Variants in RNF150 observed in about 807,000 individuals in gnomAD.
RNF150 encodes the protein ring finger protein 150.
In RNF150, 24 loss-of-function variants were observed where a neutral mutation model predicts 39.3. The observed-to-expected ratio is 0.61, with a 90% CI of 0.44 to 0.86. The LOEUF is 0.86. Ranked by LOEUF, RNF150 falls within the 40% of genes least tolerant of loss-of-function variation. The probability of loss-of-function intolerance (pLI) is 0.00; values close to 1 mark genes in which losing one functional copy is unlikely to be tolerated. For synonymous variants in RNF150, 255 were observed against 227.3 expected, an observed-to-expected ratio of 1.12 and a Z score of -1.10; for missense variants, 502 against 587.8, an observed-to-expected ratio of 0.85 and a Z score of 1.51.
intron 5 of RNF150, among the ~76,000 whole-genome samples, chr4:140,914,956 A>C (rs1452818481): frequency 6.6e-6 from 1 of 152,230 alleles, no homozygotes; most frequent in East Asian, 1.9e-4. Context: ...AACAACAAAA[A>C]CAAAAACAAA....
chr4:141,020,108 T>C (rs1240903507), intron 1 of RNF150, among the ~76,000 whole-genome samples: 3 of 151,996 alleles, frequency 2.0e-5, no homozygotes, highest in Non-Finnish European at 4.4e-5. Context: ...TGATATTTTT[T>C]TTTTCATTTT....
upstream of RNF150, among the ~76,000 whole-genome samples, chr4:141,134,655 A>C (rs979015230): frequency 1.3e-5 from 2 of 152,200 alleles, no homozygotes; most frequent in African/African-American, 4.8e-5. Context: ...ACTTAGAAGA[A>C]TTTGTCTCTA....
chr4:141,017,632 C>A (rs1162798802), intron 1 of RNF150, among the ~76,000 whole-genome samples: 4 of 152,118 alleles, frequency 2.6e-5, no homozygotes, highest in Non-Finnish European at 1.5e-5. Context: ...ATCCTAAGAT[C>A]CTTTGCCCTC....
At chr4:140,925,478 C>T (rs1055897992) in intron 5 of RNF150, among the ~76,000 whole-genome samples, 5 of 152,202 alleles carry the variant, frequency 3.3e-5, no homozygotes, top group African/African-American at 9.7e-5. Flanking sequence ...AAAGTCTCCA[C>T]AGAGATCTGA....
chr4:141,125,337 T>A (rs1726721070), intron 1 of RNF150, among the ~76,000 whole-genome samples: 1 of 152,216 alleles, frequency 6.6e-6, no homozygotes, highest in African/African-American at 2.4e-5. Context: ...CAACGCTGCC[T>A]TGTTTCTCTG....
At chr4:140,929,789 TTAAA>T (rs1272585932) in intron 4 of RNF150, among the ~76,000 whole-genome samples, 1 of 152,158 alleles carries the variant, frequency 6.6e-6, no homozygotes, top group Non-Finnish European at 1.5e-5. Context: ...TCAGTTGACC[TTAAA>T]TAAAGGGGAT....
chr4:141,202,960 GT>G (rs948583422), intron 1 of RNF150, among the ~76,000 whole-genome samples: 1 of 151,084 alleles, frequency 6.6e-6, no homozygotes, highest in African/African-American at 2.4e-5. Flanking sequence ...TAAAATTTAT[GT>G]TTTTTGTGAA....
intron 1 of RNF150, among the ~76,000 whole-genome samples, chr4:141,024,000 G>A (rs1227517502): frequency 2.6e-5 from 4 of 152,122 alleles, no homozygotes; most frequent in Non-Finnish European, 5.9e-5. Flanking sequence ...GAAATCCATT[G>A]TTAGGATTAT....
At chr4:141,196,292 T>G (rs141919285) in intron 1 of RNF150, among the ~76,000 whole-genome samples, 19 of 152,302 alleles carry the variant, frequency 1.2e-4, no homozygotes, top group Admixed American at 3.3e-4. Context: ...TTGATGAAAC[T>G]GTTGGTCCAG....
chr4:141,026,230 C>G (rs973740775), intron 1 of RNF150, among the ~76,000 whole-genome samples: 1 of 151,954 alleles, frequency 6.6e-6, no homozygotes, highest in African/African-American at 2.4e-5. Context: ...AGCTACTGTA[C>G]AAGACACAGG....
intron 1 of RNF150, among the ~76,000 whole-genome samples, chr4:141,025,960 C>A (rs963423530): frequency 9.9e-5 from 15 of 152,126 alleles, no homozygotes; most frequent in African/African-American, 2.7e-4. Context: ...CCGTCATGAA[C>A]TGGATTAGCG....
intron 1 of RNF150, among the ~76,000 whole-genome samples, chr4:141,200,921 A>G (rs1560776681): frequency 6.6e-6 from 1 of 152,180 alleles, no homozygotes; most frequent in Non-Finnish European, 1.5e-5. Context: ...GGAATTCCCA[A>G]TAAATCAGAT....
intron 1 of RNF150, among the ~76,000 whole-genome samples, chr4:141,178,276 A>G (rs1406364301): frequency 6.6e-6 from 1 of 152,090 alleles, no homozygotes; most frequent in Non-Finnish European, 1.5e-5. Flanking sequence ...GCGCATGCAC[A>G]CACATGCTAT....
intron 1 of RNF150, among the ~76,000 whole-genome samples, chr4:141,043,042 A>G (rs528535173): frequency 6.6e-5 from 10 of 152,276 alleles, no homozygotes; most frequent in African/African-American, 2.4e-4. Flanking sequence ...TTCAGTGATC[A>G]AGTCATTTGT....
At chr4:140,870,130 G>C (rs555451864) in intron 6 of RNF150, among the ~76,000 whole-genome samples, 1 of 152,208 alleles carries the variant, frequency 6.6e-6, no homozygotes, top group East Asian at 1.9e-4. Flanking sequence ...AACAAACAAA[G>C]AATTATGGCC....
Position 141,045,967 on chromosome 4 carries a change from A to C in RNF150, c.485-78094T>G, listed in dbSNP as rs190099610. 3.3e-4 allele frequency among the ~76,000 whole-genome samples: 50 copies of C among 152,336 alleles called. No homozygotes were observed. The East Asian group carries it at 9.3e-3, about 28-fold the overall frequency. Reference sequence around the variant, plus strand: ...TTTTATAAGAAATTGAGATTTAGACATGACACACTTCTTGGTCAAGGTCTC... The same window carrying C: ...TTTTATAAGAAATTGAGATTTAGACCTGACACACTTCTTGGTCAAGGTCTC... On this transcript the variant is annotated intron_variant, in intron 1 of 6. Coordinates refer to ENST00000515673, the MANE Select transcript of RNF150 (RefSeq NM_020724.2).
intron 1 of RNF150, among the ~76,000 whole-genome samples, chr4:141,198,146 C>T (rs778500273): frequency 6.6e-6 from 1 of 151,444 alleles, no homozygotes; most frequent in Non-Finnish European, 1.5e-5. Flanking sequence ...CTGCCTCAGC[C>T]TCCTGAGTAG....
At position 140,973,439 on chromosome 4, in the gene RNF150, AC is replaced by A. The variant is rs1733538809; in HGVS notation, c.485-5567del. 2.6e-5 allele frequency among the ~76,000 whole-genome samples: 4 copies of A among 152,244 alleles called. No homozygotes were observed. In the South Asian group the frequency reaches 8.3e-4, roughly 32 times the overall value. On this transcript the variant is annotated intron_variant, in intron 1 of 6. Coordinates refer to ENST00000515673, the MANE Select transcript of RNF150 (RefSeq NM_020724.2). The stretch of plus-strand genomic sequence containing the variant: ...GAAACATTTTTCTTCATATTTTATT[AC>A]AGTATTTCCTCCTAAATTTTTTCTC...
At chr4:140,984,244 T>C (rs758444333) in intron 1 of RNF150, among the ~76,000 whole-genome samples, 3 of 152,114 alleles carry the variant, frequency 2.0e-5, no homozygotes, top group Non-Finnish European at 4.4e-5. Context: ...CCTTGGCAGA[T>C]AAAAAATGGG....
Sources: allele counts gnomAD v4.1 joint callset (sites outside exome capture counted in the v4.1 genomes callset), GRCh38; gene constraint gnomAD v4.1.1; transcripts MANE v1.5; gene names NCBI Gene and HGNC (gene_info 2026-07-23, HGNC 2026-07-21).